AUTS2: variants seen among roughly 807,000 people sequenced by gnomAD.
AUTS2 encodes autism susceptibility gene 2 protein.
Under a neutral mutation model 112.4 loss-of-function variants are expected in AUTS2, and 17 were observed. The ratio of observed to expected loss-of-function variants is 0.15; its 90% confidence interval spans 0.10 to 0.23. AUTS2 has a LOEUF of 0.23. Ranked by LOEUF, AUTS2 falls within the 10% of genes least tolerant of loss-of-function variation. AUTS2 has a pLI of 1.00. For missense variants in AUTS2, 1,510 were observed against 1,701.6 expected, an observed-to-expected ratio of 0.89 and a Z score of 1.98; for synonymous variants, 751 against 702.7, an observed-to-expected ratio of 1.07 and a Z score of -1.09.
rs781201246 is a variant in AUTS2, at chr7:70,790,752, T to C, written c.3536T>C (p.Leu1179Pro). 6.2e-7 allele frequency: 1 copy of C among 1,610,540 alleles called. No individual in the cohort carries two copies. Among genetic ancestry groups the C allele is most frequent in the South Asian group, 1.1e-5 (1 of 90,900 alleles). ...CACCCCGCCTCCCTCGACGGACACC[T>C]CCCCCACCCCAGCCTCATCACCCCG... ...SVHPASLDGH[L>P]PHPSLITPGL... The change falls in exon 19 of 19, where the codon CTC becomes CCC. Residue 1179 changes from leucine (L) to proline (P), a missense_variant. This residue lies in a region of AUTS2 where 788 missense variants were observed against 797.6 expected (regional missense o/e 0.99). Transcript: ENST00000342771. The surrounding 1 kb of genome is among the most constrained non-coding windows in gnomAD (Gnocchi z 7.6).
intron 2 of AUTS2, among the ~76,000 whole-genome samples, chr7:69,914,362 C>CAG (rs1795483032): frequency 6.9e-6 from 1 of 144,672 alleles, no homozygotes; most frequent in African/African-American, 2.7e-5. Flanking sequence ...CACAGACACA[C>CAG]ACACACACAC....
At chr7:69,648,148 G>A (rs1795118150) in intron 1 of AUTS2, among the ~76,000 whole-genome samples, 1 of 152,100 alleles carries the variant, frequency 6.6e-6, no homozygotes, top group Non-Finnish European at 1.5e-5. Flanking sequence ...AAGTGCCTAG[G>A]AGATTCTGAT....
At chr7:69,857,782 A>C (rs1792799053) in intron 1 of AUTS2, among the ~76,000 whole-genome samples, 1 of 151,482 alleles carries the variant, frequency 6.6e-6, no homozygotes, top group East Asian at 1.9e-4. Context: ...GTGCCACTGC[A>C]CTCCAGACTG....
chr7:70,475,677 T>A (rs773920006), intron 5 of AUTS2, among the ~76,000 whole-genome samples: 2 of 152,174 alleles, frequency 1.3e-5, no homozygotes, highest in African/African-American at 4.8e-5. Context: ...ACAGGCAGTA[T>A]AAATGAGACA....
chr7:70,324,733 C>A (rs777131893), intron 4 of AUTS2, among the ~76,000 whole-genome samples: 5 of 152,232 alleles, frequency 3.3e-5, no homozygotes, highest in African/African-American at 1.2e-4. Context: ...GACACTGAAA[C>A]TTTCCTAGGA....
chr7:70,594,750 T>A (rs1803112219), intron 5 of AUTS2, among the ~76,000 whole-genome samples: 1 of 152,030 alleles, frequency 6.6e-6, no homozygotes, highest in Admixed American at 6.5e-5. Flanking sequence ...GTGAGTGTGT[T>A]CACTTTTGAT....
intron 4 of AUTS2, among the ~76,000 whole-genome samples, chr7:70,347,697 G>C (rs1454567411): frequency 6.6e-6 from 1 of 152,142 alleles, no homozygotes; most frequent in Non-Finnish European, 1.5e-5. Flanking sequence ...AATCCACCCA[G>C]AGTAGGGGTT....
At chr7:70,260,237 G>A (rs116062695) in intron 4 of AUTS2, among the ~76,000 whole-genome samples, 5,720 of 151,952 alleles carry the variant, frequency 0.038, 143 homozygotes, top group Middle Eastern at 0.082. Flanking sequence ...GTGGTGTTGC[G>A]CACCTGTGGT....
intron 5 of AUTS2, among the ~76,000 whole-genome samples, chr7:70,444,974 A>G (rs553012155): frequency 6.6e-6 from 1 of 152,156 alleles, no homozygotes; most frequent in East Asian, 1.9e-4. Flanking sequence ...TCAGTGAAAA[A>G]CTAAGATTAG....
Position 70,731,420 on chromosome 7 carries a change from C to CTT in AUTS2, c.743-31424_743-31423dup, listed in dbSNP as rs56244002. ...GCTCATATATCCCCTTTACCCAGAT[C>CTT]TTTTTTTTTTTTTTTTTTTTTTTTT... On this transcript the variant is annotated intron_variant, in intron 6 of 18. Coordinates refer to ENST00000342771, the MANE Select transcript of AUTS2 (RefSeq NM_015570.4). 2.5e-3 allele frequency among the ~76,000 whole-genome samples: 175 copies of CTT among 69,506 alleles called. 22 individuals are homozygous for CTT. The highest frequency in any genetic ancestry group is 5.0e-3 in the East Asian group (9 of 1,798). The allele number at this position is 69,506 out of a possible 152,430, so 45.6% of individuals were successfully genotyped here.
At position 70,681,957 on chromosome 7, in the gene AUTS2, G is replaced by A. The variant is rs193224210; in HGVS notation, c.691-16612G>A. ...TTATGGGCAACCCCCAGCCCTCTTC[G>A]CTTATAAACTAACTGTCCGTGGCTT... is the stretch of plus-strand genomic sequence containing the variant. On this transcript the variant is annotated intron_variant, in intron 5 of 18. Transcript: ENST00000342771. Among the ~76,000 whole-genome samples the A allele has an allele frequency of 5.6e-4, 85 of 152,224 alleles. 1 individual carries two copies. The highest frequency in any genetic ancestry group is 3.0e-3 in the Admixed American group (46 of 15,284).
intron 1 of AUTS2, among the ~76,000 whole-genome samples, chr7:69,777,633 A>G (rs921385516): frequency 6.6e-6 from 1 of 152,222 alleles, no homozygotes; most frequent in African/African-American, 2.4e-5. Flanking sequence ...AGTGCTTTGC[A>G]TTCAATAGGT....
chr7:70,207,976 A>C (rs1300114763), intron 4 of AUTS2, among the ~76,000 whole-genome samples: 2 of 139,972 alleles, frequency 1.4e-5, no homozygotes, highest in Non-Finnish European at 3.0e-5. Flanking sequence ...GCGCCATTGC[A>C]CTCCAGCCTG....
intron 5 of AUTS2, among the ~76,000 whole-genome samples, chr7:70,633,601 A>T (rs60682701): frequency 0.46 from 62,088 of 134,604 alleles, 14,590 homozygotes; most frequent in East Asian, 0.65. Flanking sequence ...ACAGAGCAAG[A>T]CTCCGTCTCA....
chr7:70,728,069 T>C lies in AUTS2; in HGVS notation c.742+29449T>C, dbSNP rs184936287. On this transcript the variant is annotated intron_variant, in intron 6 of 18. Transcript: ENST00000342771. ...ATGACCTGCTTTGGGGAAAGAAGGG[T>C]GGGAAGGTGAGAGTGACCTGCTGCT... 3.4e-4 allele frequency among the ~76,000 whole-genome samples: 51 copies of C among 152,048 alleles called. 2 individuals are homozygous for C. In the East Asian group the frequency reaches 5.4e-3, roughly 16 times the overall value.
At chr7:70,489,216 A>G (rs1404805054) in intron 5 of AUTS2, among the ~76,000 whole-genome samples, 1 of 152,258 alleles carries the variant, frequency 6.6e-6, no homozygotes, top group Non-Finnish European at 1.5e-5. Flanking sequence ...AAGTTATTGA[A>G]AAAACACAAA....
chr7:70,646,646 C>T (rs1375784118), intron 5 of AUTS2, among the ~76,000 whole-genome samples: 4 of 152,256 alleles, frequency 2.6e-5, no homozygotes, highest in East Asian at 1.9e-4. Flanking sequence ...GAAGCATCCC[C>T]GGAATGACTG....
intron 2 of AUTS2, among the ~76,000 whole-genome samples, chr7:70,094,310 C>T (rs1804075992): frequency 6.6e-6 from 1 of 152,202 alleles, no homozygotes; most frequent in Non-Finnish European, 1.5e-5. Flanking sequence ...ACATGGAACC[C>T]ATTAGTAGTG....
chr7:69,934,370 G>C (rs1285382981), intron 2 of AUTS2, among the ~76,000 whole-genome samples: 1 of 152,202 alleles, frequency 6.6e-6, no homozygotes, highest in Non-Finnish European at 1.5e-5. Context: ...CCCAAAGACT[G>C]TATTTCTAGT....
Sources: gnomAD v4.1 joint callset for allele counts (sites outside exome capture counted in the v4.1 genomes callset) on GRCh38, gnomAD v4.1.1 for gene constraint, gnomAD v4.1.1 regional missense constraint, Gnocchi (gnomAD v3.1) non-coding constraint, MANE v1.5 for transcripts, NCBI Gene and HGNC (gene_info 2026-07-23, HGNC 2026-07-21) for gene names.